The following ROBO2 variants were observed in gnomAD, a reference collection of about 807,000 sequenced individuals.
ROBO2 encodes roundabout guidance receptor 2, also known as roundabout homolog 2.
A neutral mutation model predicts 160.8 loss-of-function variants in ROBO2; 53 were observed. That is an observed-to-expected ratio of 0.33 (90% CI 0.26 to 0.41). The LOEUF is 0.41. Among genes scored for constraint, ROBO2 ranks in the 10% least tolerant of loss-of-function variants. The pLI is 1.00. For missense variants in ROBO2, 1,577 were observed against 1,722.4 expected, an observed-to-expected ratio of 0.92 and a Z score of 1.49; for synonymous variants, 664 against 611.7, an observed-to-expected ratio of 1.09 and a Z score of -1.26.
rs1025637869 is a variant in ROBO2 at position 76,718,524 on chromosome 3, G to A, written c.110-379490G>A. Among the ~76,000 whole-genome samples, 14 of 152,028 alleles carry A rather than the reference G, an allele frequency of 9.2e-5. No individual in the cohort carries two copies. The East Asian group carries it at 2.5e-3, about 27-fold the overall frequency. On this transcript the variant is annotated intron_variant, in intron 2 of 26. Transcript: ENST00000487694. Reference sequence around the variant, plus strand: ...CAGTGTTTTTCTCAATTTTCATCTTGGAACAATTTACTGAAAGAAAACTTA... The same window carrying A: ...CAGTGTTTTTCTCAATTTTCATCTTAGAACAATTTACTGAAAGAAAACTTA...
intron 2 of ROBO2, among the ~76,000 whole-genome samples, chr3:75,958,130 C>T (rs1948784903): frequency 6.6e-6 from 1 of 151,748 alleles, no homozygotes; most frequent in Non-Finnish European, 1.5e-5. Flanking sequence ...AACCTTGTTT[C>T]ATCTTAGAAT....
chr3:76,003,285 CA>C, intron 2 of ROBO2, among the ~76,000 whole-genome samples: 1 of 152,260 alleles, frequency 6.6e-6, no homozygotes, highest in South Asian at 2.1e-4. Flanking sequence ...CTCAATATCT[CA>C]TATTCCATGC....
intron 2 of ROBO2, among the ~76,000 whole-genome samples, chr3:76,390,637 T>A (rs1687867024): frequency 6.6e-6 from 1 of 152,200 alleles, no homozygotes; most frequent in African/African-American, 2.4e-5. Flanking sequence ...CAGCCTACTT[T>A]ATTTATTTTT....
At chr3:76,129,735 T>C (rs976911850) in intron 2 of ROBO2, among the ~76,000 whole-genome samples, 3 of 152,102 alleles carry the variant, frequency 2.0e-5, no homozygotes, top group Admixed American at 1.3e-4. Context: ...CTAGAGTCAG[T>C]AATCTTGATG....
intron 2 of ROBO2, among the ~76,000 whole-genome samples, chr3:76,643,600 G>A (rs1184514617): frequency 6.6e-6 from 1 of 152,162 alleles, no homozygotes; most frequent in Non-Finnish European, 1.5e-5. Flanking sequence ...AAAGGAGGAT[G>A]TGCAAAAGTA....
chr3:76,164,971 A>G (rs1377349659), intron 2 of ROBO2, among the ~76,000 whole-genome samples: 1 of 152,206 alleles, frequency 6.6e-6, no homozygotes, highest in Non-Finnish European at 1.5e-5. Flanking sequence ...CTGTGTACTC[A>G]CGGAGCTGCA....
At position 75,994,565 on chromosome 3, in the gene ROBO2, T is replaced by G. The variant is rs190994814; in HGVS notation, c.109+56963T>G. Among the ~76,000 whole-genome samples the G allele has an allele frequency of 7.2e-4, 110 of 152,344 alleles. 1 individual carries two copies. Among genetic ancestry groups the G allele is most frequent in the Middle Eastern group, 3.4e-3 (1 of 294 alleles). ...TTGAAGAAGTGGCTTCCACCATGATTGTAAGTTTCCTGAGGCTTCCTCAGC... is the reference window on the plus strand; with the variant it reads ...TTGAAGAAGTGGCTTCCACCATGATGGTAAGTTTCCTGAGGCTTCCTCAGC... On this transcript the variant is annotated intron_variant, in intron 2 of 26. Coordinates refer to the ROBO2 transcript ENST00000487694.
chr3:77,625,031 T>A (rs1331626536), intron 23 of ROBO2, among the ~76,000 whole-genome samples: 1 of 152,164 alleles, frequency 6.6e-6, no homozygotes. Flanking sequence ...TCAGCAGTTA[T>A]CCAGGGACAG....
At chr3:76,910,554 C>T (rs949955304) in intron 2 of ROBO2, among the ~76,000 whole-genome samples, 5 of 151,484 alleles carry the variant, frequency 3.3e-5, no homozygotes, top group South Asian at 4.2e-4. Context: ...GGTGAAACCC[C>T]GTCTCTGCTA....
intron 2 of ROBO2, among the ~76,000 whole-genome samples, chr3:76,177,250 T>A (rs2073264765): frequency 6.6e-6 from 1 of 152,176 alleles, no homozygotes; most frequent in African/African-American, 2.4e-5. Flanking sequence ...GGAGATGGTA[T>A]CTTAAATTGG....
At chr3:76,992,013 A>G (rs2060693977) in intron 2 of ROBO2, among the ~76,000 whole-genome samples, 1 of 152,140 alleles carries the variant, frequency 6.6e-6, no homozygotes, top group Non-Finnish European at 1.5e-5. Context: ...TAGAACTTCT[A>G]GTTCTTCAGT....
intron 2 of ROBO2, among the ~76,000 whole-genome samples, chr3:77,213,962 GT>G (rs1304218780): frequency 1.3e-5 from 2 of 152,030 alleles, no homozygotes; most frequent in East Asian, 1.9e-4. Flanking sequence ...TATCATTTCT[GT>G]TTTTTTACAT....
chr3:77,014,442 T>A lies in ROBO2; in HGVS notation c.110-83572T>A, dbSNP rs149687322. Among the ~76,000 whole-genome samples the A allele has an allele frequency of 2.3e-4, 35 of 152,302 alleles. No homozygotes were observed. In the East Asian group the frequency reaches 6.8e-3, roughly 30 times the overall value. On this transcript the variant is annotated intron_variant, in intron 2 of 26. Coordinates refer to the ROBO2 transcript ENST00000487694. ...AATAGAGATCTGACGGAGATACTCA[T>A]AAGGTGAACTGCGTAACTGTGTGTG...
At chr3:77,529,539 G>A (rs1472254396) in intron 6 of ROBO2, among the ~76,000 whole-genome samples, 1 of 151,698 alleles carries the variant, frequency 6.6e-6, no homozygotes, top group Admixed American at 6.6e-5. Flanking sequence ...TTATGTTATA[G>A]AATAGTATGT....
chr3:76,517,397 A>G (rs982073180), intron 2 of ROBO2, among the ~76,000 whole-genome samples: 4 of 152,194 alleles, frequency 2.6e-5, no homozygotes, highest in Non-Finnish European at 5.9e-5. Context: ...CTTTGCATGC[A>G]TCTTAATTAA....
intron 2 of ROBO2, among the ~76,000 whole-genome samples, chr3:76,745,777 A>G (rs949841688): frequency 6.7e-6 from 1 of 149,312 alleles, no homozygotes; most frequent in African/African-American, 2.5e-5. Flanking sequence ...AAATACTCAA[A>G]TAATTTTTTT....
chr3:77,568,157 TTA>T (rs1237835961), intron 12 of ROBO2, among the ~76,000 whole-genome samples, 154 bp from the exon 14 acceptor site: 1 of 151,998 alleles, frequency 6.6e-6, no homozygotes, highest in African/African-American at 2.4e-5. Context: ...AGTGGTATAT[TTA>T]TATATATAGG....
At chr3:77,378,109 T>C (rs182467999) in intron 2 of ROBO2, among the ~76,000 whole-genome samples, 27 of 152,348 alleles carry the variant, frequency 1.8e-4, no homozygotes, top group Middle Eastern at 3.4e-3. Flanking sequence ...TAATATGTTC[T>C]ATGCTTTCTA....
chr3:77,645,011 TACAAAA>T (rs2095398196), intron 25 of ROBO2, 107 bp downstream of exon 27: 3 of 1,174,144 alleles, frequency 2.6e-6, no homozygotes, highest in Admixed American at 1.9e-5. Flanking sequence ...CTTGCTCTGT[TACAAAA>T]ACAATCAATT....
Sources: allele counts gnomAD v4.1 joint callset (sites outside exome capture counted in the v4.1 genomes callset), GRCh38; gene constraint gnomAD v4.1.1; transcripts MANE v1.5; gene names NCBI Gene and HGNC (gene_info 2026-07-23, HGNC 2026-07-21).